ERLIN1: variants seen among roughly 807,000 people sequenced by gnomAD.
ERLIN1 encodes ER lipid raft associated 1.
Under a neutral mutation model 46.9 loss-of-function variants are expected in ERLIN1, and 24 were observed. The ratio of observed to expected loss-of-function variants is 0.51; its 90% CI spans 0.37 to 0.72. ERLIN1 has a LOEUF of 0.72. Ranked by LOEUF, ERLIN1 falls within the 30% of genes least tolerant of loss-of-function variation. ERLIN1 has a pLI of 0.00. For synonymous variants in ERLIN1, 158 were observed against 143.2 expected (o/e 1.10, Z -0.74); for missense variants, 293 against 417.9 (o/e 0.70, Z 2.61).
rs199928340 is a variant in ERLIN1, at chr10:100,152,163, T to A, written c.1015A>T (p.Asn339Tyr). The A allele has an allele frequency of 1.9e-6, 3 of 1,613,272 alleles. No individual in the cohort carries two copies. The highest frequency in any genetic ancestry group is 1.6e-4 in the Middle Eastern group (1 of 6,062). Residue 339 changes from asparagine (N) to tyrosine (Y), a missense_variant, in exon 11 of 11, where the codon AAC becomes TAC. By Grantham distance (143) the Asn-to-Tyr change is moderately radical. This residue lies in a region of ERLIN1 where 69 missense variants were observed against 74.5 expected (regional missense o/e 0.93). Transcript: ENST00000421367. ...GTGCTCTCTTTGTTTTGGATGACGT[T>A]CTCTCCAGAGGGTTCAAGAGCCTCC... ...SKEALEPSGE[N>Y]VIQNKESTG
rs147060171 is a variant in ERLIN1, at chr10:100,163,605, C to T, written c.655+399G>A. ...AACAATCCTGCCATGCTTTCATAAA[C>T]GGCACTACCTATCCAGGTAAAACTA... On this transcript the variant is annotated intron_variant, in intron 8 of 10. Transcript: ENST00000421367. Among the ~76,000 whole-genome samples, 690 of 152,276 alleles carry T rather than the reference C, an allele frequency of 4.5e-3. 5 individuals carry two copies. Among genetic ancestry groups the T allele is most frequent in the African/African-American group, 0.011 (439 of 41,556 alleles).
rs1026376243 is a variant in ERLIN1 at position 100,185,659 on chromosome 10, C to T, written c.-33G>A. 3.2e-6 allele frequency: 5 copies of T among 1,566,674 alleles called. No homozygotes were observed. The highest frequency in any genetic ancestry group is 2.7e-5 in the African/African-American group (2 of 74,080). On this transcript the variant is annotated 5_prime_UTR_variant, in exon 1 of 11. Coordinates refer to ENST00000421367, the MANE Select transcript of ERLIN1 (RefSeq NM_006459.4). ...CCTCCTGGGAGCGGGAGAAAAGGAC[C>T]CTCAGTCCCGTGAGTGACAGGTCCA...
chr10:100,169,342 C>T (rs1393497161), intron 6 of ERLIN1, among the ~76,000 whole-genome samples: 1 of 152,002 alleles, frequency 6.6e-6, no homozygotes, highest in Non-Finnish European at 1.5e-5. Context: ...TTGAAACTGA[C>T]CCCTGGGTTT....
At chr10:100,184,951 A>G (rs1203961813) in intron 1 of ERLIN1, among the ~76,000 whole-genome samples, 1 of 152,138 alleles carries the variant, frequency 6.6e-6, no homozygotes, top group Non-Finnish European at 1.5e-5. Flanking sequence ...GCTCAACAAG[A>G]GAGCAACAGC....
At chr10:100,177,392 A>C (rs1030970450) in intron 4 of ERLIN1, among the ~76,000 whole-genome samples, 1 of 152,202 alleles carries the variant, frequency 6.6e-6, no homozygotes, top group Non-Finnish European at 1.5e-5. Flanking sequence ...CTCTACTCTG[A>C]AATCTTTTCA....
intron 8 of ERLIN1, among the ~76,000 whole-genome samples, chr10:100,157,324 G>C (rs566981990): frequency 3.3e-5 from 5 of 152,278 alleles, no homozygotes; most frequent in Non-Finnish European, 5.9e-5. Flanking sequence ...AACAAGCATT[G>C]GGAGTGAACA....
At chr10:100,174,333 A>G (rs1844172274) in intron 5 of ERLIN1, 52 bp from the exon 6 acceptor site, 1 of 1,276,866 alleles carries the variant, frequency 7.8e-7, no homozygotes, top group Admixed American at 2.0e-5. Context: ...TTTTTTTTAC[A>G]TTGTATTCAT....
chr10:100,151,552 G>A lies in ERLIN1; in HGVS notation c.*579C>T, dbSNP rs546967434. On this transcript the variant is annotated 3_prime_UTR_variant, in exon 11 of 11. Coordinates refer to ENST00000421367, the MANE Select transcript of ERLIN1 (RefSeq NM_006459.4). ...GTCCCTGCAGGCCACCACCCTGACT[G>A]CAGGAAAACAGAAAGGTGCAAATCG... The A allele has an allele frequency of 1.2e-5, 2 of 170,536 alleles. No homozygotes were observed. Among genetic ancestry groups the A allele is most frequent in the Non-Finnish European group, 2.6e-5 (2 of 77,524 alleles). The allele number at this position is 170,536 out of a possible 1,614,324, so 10.6% of individuals were successfully genotyped here.
intron 5 of ERLIN1, among the ~76,000 whole-genome samples, chr10:100,175,132 AAAGT>A (rs1471328310): frequency 6.6e-6 from 1 of 152,228 alleles, no homozygotes; most frequent in Non-Finnish European, 1.5e-5. Context: ...TCATAAATGA[AAAGT>A]AAGTTGTACA....
In ERLIN1 at chr10:100,151,712, T is replaced by C. The variant is rs536399291; in HGVS notation, c.*419A>G. On this transcript the variant is annotated 3_prime_UTR_variant, in exon 11 of 11. Transcript: ENST00000421367. ...GGGTCCCAGGTGCAATCAGTCTTCT[T>C]GAACTTACCATCTCCTTCTCAGTCA... is the stretch of plus-strand genomic sequence containing the variant. 4 of 278,350 alleles carry C rather than the reference T, an allele frequency of 1.4e-5. No individual in the cohort carries two copies. The South Asian group carries it at 1.5e-4, about 11-fold the overall frequency. The allele number at this position is 278,350 out of a possible 1,614,324, so 17.2% of individuals were successfully genotyped here.
At chr10:100,156,357 C>T in intron 8 of ERLIN1, 123 bp from the exon 9 acceptor site, 2 of 645,934 alleles carry the variant, frequency 3.1e-6, no homozygotes, top group South Asian at 1.8e-5. Context: ...AATTGTTTCA[C>T]TAAGTTTTAT....
intron 8 of ERLIN1, 32 bp downstream of exon 8, chr10:100,163,972 T>C (rs749575579): frequency 2.9e-6 from 4 of 1,401,318 alleles, no homozygotes; most frequent in Non-Finnish European, 3.0e-6. Context: ...CAAATGTACT[T>C]AGAGACAATC....
intron 7 of ERLIN1, among the ~76,000 whole-genome samples, chr10:100,166,437 A>T (rs540289498): frequency 6.6e-6 from 1 of 152,258 alleles, no homozygotes; most frequent in East Asian, 1.9e-4. Flanking sequence ...CAAAAAAAAA[A>T]AAATTAAGAA....
intron 10 of ERLIN1, among the ~76,000 whole-genome samples, chr10:100,153,748 G>A (rs1427374739): frequency 6.6e-6 from 1 of 152,128 alleles, no homozygotes; most frequent in Non-Finnish European, 1.5e-5. Flanking sequence ...TCTGAATAAG[G>A]TAGACCTCAA....
intron 6 of ERLIN1, among the ~76,000 whole-genome samples, chr10:100,173,037 T>C (rs1391054037): frequency 6.6e-6 from 1 of 152,198 alleles, no homozygotes; most frequent in Non-Finnish European, 1.5e-5. Flanking sequence ...TTAACTCTGG[T>C]GGCTCACCCT....
chr10:100,156,705 C>G (rs950297332), intron 8 of ERLIN1, among the ~76,000 whole-genome samples: 5 of 151,904 alleles, frequency 3.3e-5, no homozygotes, highest in Admixed American at 2.6e-4. Flanking sequence ...GAAGACATGC[C>G]AGGAAGCACA....
chr10:100,177,629 G>C lies in ERLIN1; in HGVS notation c.304+504C>G, dbSNP rs1844387498. ...TATAAGACGGTATATCTTTCTTCAG[G>C]GCTTCTAATTAAGTTTTTGATTACA... On this transcript the variant is annotated intron_variant, in intron 4 of 10. Transcript: ENST00000421367. Among the ~76,000 whole-genome samples the C allele has an allele frequency of 2.0e-5, 3 of 151,970 alleles. No homozygotes were observed. In the South Asian group the frequency reaches 6.2e-4, roughly 32 times the overall value.
intron 4 of ERLIN1, 110 bp from the exon 5 acceptor site, chr10:100,176,180 C>T (rs1589548496): frequency 1.1e-6 from 1 of 914,178 alleles, no homozygotes; most frequent in Non-Finnish European, 1.5e-6. Context: ...GGAAAAGTGC[C>T]AACAAAATAG....
rs1483857636 is a variant in ERLIN1 at position 100,185,754 on chromosome 10, G to A, written c.-128C>T. 9.8e-6 allele frequency: 7 copies of A among 716,054 alleles called. No individual in the cohort carries two copies. The highest frequency in any genetic ancestry group is 1.7e-5 in the Non-Finnish European group (7 of 402,958). The allele number at this position is 716,054 out of a possible 1,614,324, so 44.4% of individuals were successfully genotyped here. ...CTCGCAGGCTGAGCCGGGGAGTCCA[G>A]TACCCCTGTCCCCTCATTCTTCCCT... is the stretch of plus-strand genomic sequence containing the variant. On this transcript the variant is annotated 5_prime_UTR_variant, in exon 1 of 11. Coordinates refer to ENST00000421367, the MANE Select transcript of ERLIN1 (RefSeq NM_006459.4).
Sources: gnomAD v4.1 joint callset for allele counts (sites outside exome capture counted in the v4.1 genomes callset) on GRCh38, gnomAD v4.1.1 for gene constraint, gnomAD v4.1.1 regional missense constraint, MANE v1.5 for transcripts, NCBI Gene and HGNC (gene_info 2026-07-23, HGNC 2026-07-21) for gene names.